Variants in MAPKAP1 observed in about 807,000 individuals in gnomAD.
The protein encoded by MAPKAP1 is MAPK associated protein 1, also known as target of rapamycin complex 2 subunit MAPKAP1.
In MAPKAP1, 20 loss-of-function variants were observed where a neutral mutation model predicts 65.7. The ratio of observed to expected loss-of-function variants is 0.30; its 90% CI spans 0.21 to 0.44. The LOEUF (loss-of-function observed/expected upper bound fraction) is 0.44. Ranked by LOEUF, MAPKAP1 falls within the 20% of genes least tolerant of loss-of-function variation. The pLI, the probability that MAPKAP1 is intolerant of heterozygous loss-of-function variation, is 1.00. For missense variants in MAPKAP1, 423 were observed against 648.0 expected (o/e 0.65, Z 3.77); for synonymous variants, 222 against 244.3 (o/e 0.91, Z 0.85).
chr9:125,606,101 G>A (rs1329752815), intron 4 of MAPKAP1, among the ~76,000 whole-genome samples: 2 of 151,828 alleles, frequency 1.3e-5, no homozygotes, highest in African/African-American at 4.8e-5. Flanking sequence ...AATTTTTAGT[G>A]CCAGAAAAAA....
chr9:125,466,603 C>A (rs148536724), intron 10 of MAPKAP1, among the ~76,000 whole-genome samples: 2 of 152,098 alleles, frequency 1.3e-5, no homozygotes, highest in African/African-American at 4.8e-5. Flanking sequence ...CTGAAGTGAG[C>A]GGGATTAGGA....
intron 2 of MAPKAP1, among the ~76,000 whole-genome samples, chr9:125,671,695 C>T (rs1006269085): frequency 1.3e-5 from 2 of 151,958 alleles, no homozygotes; most frequent in Admixed American, 6.6e-5. Flanking sequence ...TGACTAAATA[C>T]GTGTATACCA....
intron 9 of MAPKAP1, among the ~76,000 whole-genome samples, chr9:125,481,468 G>A (rs1207366192): frequency 7.2e-5 from 11 of 152,164 alleles, no homozygotes; most frequent in Admixed American, 1.3e-4. Flanking sequence ...TGTCGCCCAG[G>A]CTGGAGTGTA....
chr9:125,526,145 A>G (rs769319907), intron 7 of MAPKAP1, among the ~76,000 whole-genome samples: 5 of 152,218 alleles, frequency 3.3e-5, no homozygotes, highest in Non-Finnish European at 7.3e-5. Context: ...GAAGGGTCTC[A>G]TCACAGGGTT....
intron 9 of MAPKAP1, among the ~76,000 whole-genome samples, chr9:125,483,002 G>C (rs529093745): frequency 6.6e-6 from 1 of 152,136 alleles, no homozygotes; most frequent in Non-Finnish European, 1.5e-5. Context: ...ATCATTTGCC[G>C]GTGGTGATAC....
chr9:125,703,930 T>C (rs1043864707), intron 1 of MAPKAP1, among the ~76,000 whole-genome samples: 1 of 152,174 alleles, frequency 6.6e-6, no homozygotes, highest in Non-Finnish European at 1.5e-5. Context: ...ACTGCAAAAG[T>C]TTCTGAAGTC....
intron 10 of MAPKAP1, among the ~76,000 whole-genome samples, chr9:125,466,734 G>A (rs899008264): frequency 1.3e-5 from 2 of 152,166 alleles, no homozygotes; most frequent in Non-Finnish European, 2.9e-5. Flanking sequence ...AGGAATGGCA[G>A]GAAGGGAGTG....
intron 4 of MAPKAP1, among the ~76,000 whole-genome samples, chr9:125,625,496 T>C (rs1318681446): frequency 3.3e-5 from 5 of 152,096 alleles, no homozygotes; most frequent in African/African-American, 7.2e-5. Flanking sequence ...CCATGTTCAA[T>C]AAAACTGAGG....
At chr9:125,479,195 G>A (rs1238659899) in intron 9 of MAPKAP1, among the ~76,000 whole-genome samples, 1 of 152,222 alleles carries the variant, frequency 6.6e-6, no homozygotes, top group African/African-American at 2.4e-5. Flanking sequence ...GATAATAACT[G>A]CTTTGTAAAA....
intron 7 of MAPKAP1, among the ~76,000 whole-genome samples, chr9:125,519,885 T>C (rs1227619857): frequency 6.6e-6 from 1 of 151,802 alleles, no homozygotes; most frequent in Non-Finnish European, 1.5e-5. Context: ...CATGCAGGCT[T>C]TGAGATAAGT....
chr9:125,649,602 G>A (rs565663577), intron 4 of MAPKAP1, among the ~76,000 whole-genome samples: 3 of 151,738 alleles, frequency 2.0e-5, no homozygotes, highest in Admixed American at 6.6e-5. Context: ...GCTGACAAGC[G>A]AGAACAAAAA....
intron 1 of MAPKAP1, among the ~76,000 whole-genome samples, chr9:125,700,889 G>C (rs1237672751): frequency 6.6e-6 from 1 of 152,186 alleles, no homozygotes; most frequent in Admixed American, 6.5e-5. Context: ...ACTGTGCTGG[G>C]TGTCTCTACG....
chr9:125,680,543 C>G (rs972328433), intron 1 of MAPKAP1, among the ~76,000 whole-genome samples: 1 of 152,118 alleles, frequency 6.6e-6, no homozygotes, highest in Admixed American at 6.5e-5. Context: ...TGTGAATATG[C>G]CCAATTTCAT....
chr9:125,478,683 T>C (rs948389198), intron 9 of MAPKAP1, among the ~76,000 whole-genome samples: 1 of 152,154 alleles, frequency 6.6e-6, no homozygotes, highest in Admixed American at 6.5e-5. Flanking sequence ...TATGACAGAT[T>C]GGGTCTGGCG....
At chr9:125,498,010 AG>A (rs1256678230) in intron 8 of MAPKAP1, among the ~76,000 whole-genome samples, 1 of 152,250 alleles carries the variant, frequency 6.6e-6, no homozygotes, top group Non-Finnish European at 1.5e-5. Flanking sequence ...AGCTTGGACA[AG>A]AATGGAAGTC....
chr9:125,700,935 C>T lies in MAPKAP1; in HGVS notation c.-70+6036G>A, dbSNP rs558964197. Among the ~76,000 whole-genome samples the T allele has an allele frequency of 2.0e-5, 3 of 152,336 alleles. No individual in the cohort carries two copies. In the East Asian group the frequency reaches 5.8e-4, roughly 29 times the overall value. Reference sequence around the variant, plus strand: ...ATCTTGAGTACATATAGTCAATAGGCACTGCATGCACTGGGGGAGCACCTG... The same window carrying T: ...ATCTTGAGTACATATAGTCAATAGGTACTGCATGCACTGGGGGAGCACCTG... On this transcript the variant is annotated intron_variant, in intron 1 of 11. Coordinates refer to ENST00000265960, the MANE Select transcript of MAPKAP1 (RefSeq NM_001006617.3).
chr9:125,704,322 C>G (rs1051429403), intron 1 of MAPKAP1, among the ~76,000 whole-genome samples: 3 of 152,080 alleles, frequency 2.0e-5, no homozygotes, highest in Non-Finnish European at 4.4e-5. Context: ...CCTTCTCACA[C>G]GAGAAAAAAA....
At chr9:125,636,961 A>G (rs989921749) in intron 4 of MAPKAP1, among the ~76,000 whole-genome samples, 8 of 152,212 alleles carry the variant, frequency 5.3e-5, no homozygotes, top group African/African-American at 1.7e-4. Flanking sequence ...CCACAAGTCA[A>G]TATCTAATTA....
At chr9:125,598,097 C>G (rs1832193273) in intron 4 of MAPKAP1, among the ~76,000 whole-genome samples, 1 of 151,002 alleles carries the variant, frequency 6.6e-6, no homozygotes, top group South Asian at 2.1e-4. Flanking sequence ...AACCCAAACA[C>G]CAGAATTGTA....
Sources: gnomAD v4.1 joint callset for allele counts (sites outside exome capture counted in the v4.1 genomes callset) on GRCh38, gnomAD v4.1.1 for gene constraint, MANE v1.5 for transcripts, NCBI Gene and HGNC (gene_info 2026-07-23, HGNC 2026-07-21) for gene names.